S1PR1: variants seen among roughly 807,000 people sequenced by gnomAD.
S1PR1 encodes sphingosine-1-phosphate receptor 1.
A neutral mutation model predicts 18.3 loss-of-function variants in S1PR1; 2 were observed. The observed-to-expected ratio is 0.11, with a 90% CI of 0.04 to 0.34. The LOEUF (loss-of-function observed/expected upper bound fraction) is 0.34, where lower values mean the gene tolerates loss of function less well. Among genes scored for constraint, S1PR1 ranks in the 10% least tolerant of loss-of-function variants. The pLI is 1.00. For missense variants in S1PR1, 335 were observed against 493.8 expected, an observed-to-expected ratio of 0.68 and a Z score of 3.05; for synonymous variants, 222 against 211.2, an observed-to-expected ratio of 1.05 and a Z score of -0.44.
At position 101,239,858 on chromosome 1, in the gene S1PR1, A is replaced by G; in HGVS notation, c.874A>G (p.Arg292Gly). The G allele has an allele frequency of 2.5e-6, 4 of 1,613,776 alleles. No homozygotes were observed. Among genetic ancestry groups the G allele is most frequent in the Non-Finnish European group, 3.4e-6 (4 of 1,180,020 alleles). ...CKVKTCDILF[R>G]AEYFLVLAVL... ...GGTGAAGACCTGTGACATCCTCTTC[A>G]GAGCGGAGTACTTCCTGGTGTTAGC... The change falls in exon 2 of 2, where the codon AGA (arginine) becomes GGA (glycine). Residue 292 changes from arginine (R) to glycine (G), a missense_variant. Physicochemically the swap from Arg to Gly is moderately radical, Grantham distance 125. Coordinates refer to ENST00000305352, the MANE Select transcript of S1PR1 (RefSeq NM_001400.5). This position sits in a 1 kb window ranked among gnomAD's most constrained non-coding sequence, Gnocchi z 6.3.
rs1570829316 is a variant in S1PR1 at position 101,239,686 on chromosome 1, C to A, written c.702C>A (p.Arg234=). ...CCTTGGTCAGGACTCGGAGCCGCCG[C>A]CTGACGTTCCGCAAGAACATTTCCA... ...IYSLVRTRSR[R]LTFRKNISKA... is the part of the protein sequence containing the mutation. Residue 234 remains arginine, a synonymous_variant, in exon 2 of 2, where the codon CGC becomes CGA. Transcript: ENST00000305352. This position sits in a 1 kb window ranked among gnomAD's most constrained non-coding sequence, Gnocchi z 6.3. The A allele has an allele frequency of 6.2e-7, 1 of 1,614,120 alleles. No individual in the cohort carries two copies. The highest frequency in any genetic ancestry group is 8.5e-7 in the Non-Finnish European group (1 of 1,180,046).
chr1:101,241,747 C>A (rs1652919499), downstream of S1PR1, among the ~76,000 whole-genome samples: 1 of 152,092 alleles, frequency 6.6e-6, no homozygotes. Flanking sequence ...TAAAAACCAC[C>A]AACCTTCTGA....
At position 101,239,971 on chromosome 1, in the gene S1PR1, C is replaced by T. The variant is rs1458874739; in HGVS notation, c.987C>T (p.Cys329=). 1 of 1,614,168 alleles carries T rather than the reference C, an allele frequency of 6.2e-7. No homozygotes were observed. Among genetic ancestry groups the T allele is most frequent in the Non-Finnish European group, 8.5e-7 (1 of 1,180,036 alleles). ...CCTTCATCCGGATCATGTCCTGCTG[C>T]AAGTGCCCGAGCGGAGACTCTGCTG... is the stretch of plus-strand genomic sequence containing the variant. ...RRAFIRIMSC[C]KCPSGDSAGK... is the part of the protein sequence containing the mutation. Residue 329 remains cysteine (C), a synonymous_variant, in exon 2 of 2, where the codon TGC becomes TGT. Transcript: ENST00000305352. This position sits in a 1 kb window ranked among gnomAD's most constrained non-coding sequence, Gnocchi z 6.3.
At position 101,239,635 on chromosome 1, in the gene S1PR1, C is replaced by A; in HGVS notation, c.651C>A (p.Ile217=). The A allele has an allele frequency of 2.5e-6, 4 of 1,614,120 alleles. No homozygotes were observed. The highest frequency in any genetic ancestry group is 2.5e-6 in the Non-Finnish European group (3 of 1,180,038). The change falls in exon 2 of 2, where the codon ATC becomes ATA. Residue 217 remains isoleucine, a synonymous_variant. Coordinates refer to ENST00000305352, the MANE Select transcript of S1PR1 (RefSeq NM_001400.5). The surrounding 1 kb of genome is among the most constrained non-coding windows in gnomAD (Gnocchi z 6.3). ...TTVFTLLLLS[I]VILYCRIYSL... The stretch of plus-strand genomic sequence containing the variant: ...TCTTCACTCTGCTTCTGCTCTCCAT[C>A]GTCATTCTGTACTGCAGAATCTACT...
At chr1:101,238,676 T>TAA (rs200797239) in intron 1 of S1PR1, 146 bp from the exon 2 acceptor site, 5 of 280,108 alleles carry the variant, frequency 1.8e-5, no homozygotes, top group South Asian at 1.3e-4. Context: ...AATTTGATTT[T>TAA]TAAAAAAAAT....
chr1:101,238,874 G>C lies in S1PR1; in HGVS notation c.-111G>C. ...CAAGGAAAAGCTACACAAAAAGCCT[G>C]GATCACTCATCGAACCACCCCTGAA... is the stretch of plus-strand genomic sequence containing the variant. On this transcript the variant is annotated 5_prime_UTR_variant, in exon 2 of 2. Transcript: ENST00000305352. 1.3e-5 allele frequency: 13 copies of C among 1,035,118 alleles called. No homozygotes were observed. Among genetic ancestry groups the C allele is most frequent in the Non-Finnish European group, 1.8e-5 (13 of 729,102 alleles). 64.1% of individuals were successfully genotyped at this position (1,035,118 alleles called of 1,614,324 possible). A position where few individuals can be genotyped will look rare whatever the true frequency, so the allele number is the denominator to read the frequency against.
At chr1:101,237,507 C>G (rs1468258495) in intron 1 of S1PR1, among the ~76,000 whole-genome samples, 4 of 152,162 alleles carry the variant, frequency 2.6e-5, no homozygotes, top group Non-Finnish European at 5.9e-5. Flanking sequence ...GGGGAAAATG[C>G]GGAGCTTCTT....
At chr1:101,238,737 A>T (rs1652788565) in intron 1 of S1PR1, 85 bp from the exon 2 acceptor site, 1 of 477,888 alleles carries the variant, frequency 2.1e-6, no homozygotes, top group Non-Finnish European at 3.7e-6. Context: ...CAACAACAAC[A>T]CAATTGGAGC....
intron 1 of S1PR1, among the ~76,000 whole-genome samples, chr1:101,237,412 A>G (rs1410753578): frequency 8.5e-5 from 13 of 152,144 alleles, no homozygotes; most frequent in Admixed American, 7.2e-4. Context: ...TGGAAATCCT[A>G]TAGACAAAGA....
intron 1 of S1PR1, among the ~76,000 whole-genome samples, chr1:101,237,418 A>G (rs1327380896): frequency 6.6e-6 from 1 of 152,190 alleles, no homozygotes; most frequent in Non-Finnish European, 1.5e-5. Context: ...TCCTATAGAC[A>G]AAGAATATGG....
chr1:101,238,451 G>C (rs74105222), intron 1 of S1PR1, among the ~76,000 whole-genome samples: 6,043 of 151,818 alleles, frequency 0.04, 407 homozygotes, highest in African/African-American at 0.14. Context: ...GTGGTGAGAG[G>C]GCAGGAGTGG....
At position 101,240,876 on chromosome 1, in the gene S1PR1, C is replaced by A. The variant is rs1258974861; in HGVS notation, c.*743C>A. The A allele has an allele frequency of 3.0e-5, 5 of 167,162 alleles. No homozygotes were observed. The Admixed American group carries it at 3.3e-4, about 11-fold the overall frequency. The allele number at this position is 167,162 out of a possible 1,614,324, so 10.4% of individuals were successfully genotyped here. A position where few individuals can be genotyped will look rare whatever the true frequency, so the allele number is the denominator to read the frequency against. ...AATGAAATGTGTTACCATTTCATAT[C>A]CATTGAAGCCGAAATCTGCATAAGG... On this transcript the variant is annotated 3_prime_UTR_variant, in exon 2 of 2. Transcript: ENST00000305352.
rs1228984306 is a variant in S1PR1, at chr1:101,239,268, G to C, written c.284G>C (p.Gly95Ala). The C allele has an allele frequency of 6.2e-7, 1 of 1,614,148 alleles. No homozygotes were observed. Among genetic ancestry groups the C allele is most frequent in the East Asian group, 2.2e-5 (1 of 44,880 alleles). The part of the protein sequence containing the change: ...GNLALSDLLA[G>A]VAYTANLLLS... ...CTGGCCCTCTCAGACCTGTTGGCAGGAGTAGCCTACACAGCTAACCTGCTC... is the reference window on the plus strand; with the variant it reads ...CTGGCCCTCTCAGACCTGTTGGCAGCAGTAGCCTACACAGCTAACCTGCTC... The change falls in exon 2 of 2, where the codon GGA (glycine) becomes GCA (alanine). Residue 95 changes from glycine (G) to alanine (A), a missense_variant. This residue lies in a region of S1PR1 where 214 missense variants were observed against 366.6 expected (regional missense o/e 0.58). Coordinates refer to ENST00000305352, the MANE Select transcript of S1PR1 (RefSeq NM_001400.5). This position sits in a 1 kb window ranked among gnomAD's most constrained non-coding sequence, Gnocchi z 6.3.
At chr1:101,241,689 G>A (rs1298776723), downstream of S1PR1, among the ~76,000 whole-genome samples, 1 of 152,132 alleles carries the variant, frequency 6.6e-6, no homozygotes, top group African/African-American at 2.4e-5. Flanking sequence ...TCTTTTTCAG[G>A]AAGAGAAACT....
Position 101,241,056 on chromosome 1 carries a change from C to G in S1PR1, c.*923C>G, listed in dbSNP as rs772794259. Reference sequence around the variant, plus strand: ...TAACAAATATGACATCTGTCTTTGGCACTTTTGTTGATGTTTATTTCAGAA... The same window carrying G: ...TAACAAATATGACATCTGTCTTTGGGACTTTTGTTGATGTTTATTTCAGAA... On this transcript the variant is annotated 3_prime_UTR_variant, in exon 2 of 2. Coordinates refer to ENST00000305352, the MANE Select transcript of S1PR1 (RefSeq NM_001400.5). 1.2e-5 allele frequency: 2 copies of G among 166,998 alleles called. No homozygotes were observed. The highest frequency in any genetic ancestry group is 2.9e-5 in the Non-Finnish European group (2 of 68,100). 10.3% of individuals were successfully genotyped at this position (166,998 alleles called of 1,614,324 possible).
chr1:101,240,379 T>G lies in S1PR1; in HGVS notation c.*246T>G. On this transcript the variant is annotated 3_prime_UTR_variant, in exon 2 of 2. Transcript: ENST00000305352. ...GCCTGGAATATATTTTCTACCCCCC[T>G]GGAGCTTTGATTTTGCACTGAGCCA... The G allele has an allele frequency of 1.7e-6, 1 of 571,750 alleles. No individual in the cohort carries two copies. The allele number at this position is 571,750 out of a possible 1,614,324, so 35.4% of individuals were successfully genotyped here.
At chr1:101,241,991 G>T (rs1257664872), downstream of S1PR1, among the ~76,000 whole-genome samples, 1 of 147,878 alleles carries the variant, frequency 6.8e-6, no homozygotes, top group Non-Finnish European at 1.5e-5. Flanking sequence ...TATGGATATG[G>T]GTATTAAATC....
intron 1 of S1PR1, chr1:101,237,994 TG>T (rs1451179130): frequency 0.051 from 767 of 15,070 alleles, 5 homozygotes; most frequent in African/African-American, 0.16. Context: ...TGGCTTGGGG[TG>T]GGGGGTGGGG....
Position 101,239,737 on chromosome 1 carries a change from G to T in S1PR1, c.753G>T (p.Ser251=). 2.5e-6 allele frequency: 4 copies of T among 1,613,810 alleles called. No individual in the cohort carries two copies. The highest frequency in any genetic ancestry group is 1.1e-5 in the South Asian group (1 of 91,078). The part of the protein sequence containing the change: ...ISKASRSSEK[S]LALLKTVIIV... Reference sequence around the variant, plus strand: ...AGGCCAGCCGCAGCTCTGAGAAGTCGCTGGCGCTGCTCAAGACCGTAATTA... The same window carrying T: ...AGGCCAGCCGCAGCTCTGAGAAGTCTCTGGCGCTGCTCAAGACCGTAATTA... The change falls in exon 2 of 2, where the codon TCG becomes TCT. Residue 251 remains serine (S), a synonymous_variant. Transcript: ENST00000305352. This position sits in a 1 kb window ranked among gnomAD's most constrained non-coding sequence, Gnocchi z 6.3.
Sources: gnomAD v4.1 joint callset for allele counts (sites outside exome capture counted in the v4.1 genomes callset) on GRCh38, gnomAD v4.1.1 for gene constraint, gnomAD v4.1.1 regional missense constraint, Gnocchi (gnomAD v3.1) non-coding constraint, MANE v1.5 for transcripts, NCBI Gene and HGNC (gene_info 2026-07-23, HGNC 2026-07-21) for gene names.